FOXK2: variants seen among roughly 807,000 people sequenced by gnomAD.
FOXK2 encodes forkhead box K2, also known as forkhead box protein K2.
In FOXK2, 24 loss-of-function variants were observed where a neutral mutation model predicts 53.3. The observed-to-expected ratio is 0.45, with a 90% confidence interval of 0.33 to 0.63. FOXK2 has a LOEUF of 0.63. Among genes scored for constraint, FOXK2 ranks in the 30% least tolerant of loss-of-function variants. The probability of loss-of-function intolerance (pLI) is 0.03; values close to 1 mark genes in which losing one functional copy is unlikely to be tolerated. For synonymous variants in FOXK2, 505 were observed against 407.1 expected (o/e 1.24, Z -2.89); for missense variants, 952 against 910.5 (o/e 1.05, Z -0.59).
chr17:82,536,320 T>G (rs2044520450), intron 1 of FOXK2, among the ~76,000 whole-genome samples: 1 of 152,238 alleles, frequency 6.6e-6, no homozygotes, highest in South Asian at 2.1e-4. Flanking sequence ...TGTTTCTTTG[T>G]GTGCCTTGTG....
intron 1 of FOXK2, among the ~76,000 whole-genome samples, chr17:82,552,219 C>G (rs1434765567): frequency 6.6e-6 from 1 of 152,218 alleles, no homozygotes; most frequent in Non-Finnish European, 1.5e-5. Context: ...GAAATTACTT[C>G]AGAATTAAAG....
intron 1 of FOXK2, among the ~76,000 whole-genome samples, chr17:82,544,591 TCTCA>T (rs1428624528): frequency 3.3e-5 from 5 of 152,216 alleles, no homozygotes; most frequent in African/African-American, 4.8e-5. Context: ...TCATGAATAT[TCTCA>T]CTAAGTGGGC....
At position 82,587,197 on chromosome 17, in the gene FOXK2, C is replaced by T. The variant is rs532471789; in HGVS notation, c.1711C>T (p.Pro571Ser). ...QQAPLGQHQLPIKTVTQNGTH... is the reference protein window; with the variant it reads ...QQAPLGQHQLSIKTVTQNGTH... ...GGCACCTCTAGGTCAACACCAGCTA[C>T]CAATAAAAACTGTAACACAAAACGG... Residue 571 changes from proline (P) to serine (S), a missense_variant, in exon 8 of 9, where the codon CCA (proline) becomes TCA (serine). By Grantham distance (74) the Pro-to-Ser change is moderately conservative. This residue lies in a region of FOXK2 where 551 missense variants were observed against 385.1 expected (regional missense o/e 1.43). Transcript: ENST00000335255. 12 of 1,613,108 alleles carry T rather than the reference C, an allele frequency of 7.4e-6. No individual in the cohort carries two copies. The African/African-American group carries it at 9.3e-5, about 13-fold the overall frequency.
chr17:82,590,407 C>T (rs990890434), intron 8 of FOXK2, among the ~76,000 whole-genome samples: 1 of 152,160 alleles, frequency 6.6e-6, no homozygotes, highest in Non-Finnish European at 1.5e-5. Flanking sequence ...CTGCCCACCT[C>T]GGCCTCCCAA....
intron 4 of FOXK2, among the ~76,000 whole-genome samples, chr17:82,575,705 C>T (rs1000258218): frequency 3.3e-5 from 5 of 152,166 alleles, no homozygotes; most frequent in Non-Finnish European, 7.3e-5. Context: ...TTGATTGCTA[C>T]AGCCGAGACA....
chr17:82,591,029 C>T (rs746376555), intron 8 of FOXK2, among the ~76,000 whole-genome samples: 18 of 152,194 alleles, frequency 1.2e-4, no homozygotes, highest in Non-Finnish European at 2.4e-4. Context: ...GGGCTCAGGG[C>T]TTGGCCCCTG....
intron 1 of FOXK2, among the ~76,000 whole-genome samples, chr17:82,553,060 G>A (rs930118466): frequency 6.6e-6 from 1 of 151,986 alleles, no homozygotes; most frequent in Non-Finnish European, 1.5e-5. Flanking sequence ...CTCAGCCTCC[G>A]GAGTAGCTGG....
intron 1 of FOXK2, among the ~76,000 whole-genome samples, chr17:82,550,094 G>T (rs1194007721): frequency 6.6e-6 from 1 of 152,172 alleles, no homozygotes; most frequent in Non-Finnish European, 1.5e-5. Context: ...AGCTATTCAG[G>T]AGGCTGAGGC....
At chr17:82,533,875 T>C (rs1434926409) in intron 1 of FOXK2, among the ~76,000 whole-genome samples, 1 of 151,888 alleles carries the variant, frequency 6.6e-6, no homozygotes, top group Middle Eastern at 3.2e-3. Flanking sequence ...GGTGCGCAGC[T>C]GTAATCCCAG....
chr17:82,538,400 A>G (rs2044541409), intron 1 of FOXK2, among the ~76,000 whole-genome samples: 1 of 152,146 alleles, frequency 6.6e-6, no homozygotes. Flanking sequence ...TGGGAAGATC[A>G]CTTGAGCCCG....
In FOXK2 at chr17:82,601,798, A is replaced by T. The variant is rs911262554; in HGVS notation, c.*299A>T. ...GAGGACCAGGCATCGCTGTGTGAGGACGGCACGGCCAGCGCCTGCTGTGAG... is the reference window on the plus strand; with the variant it reads ...GAGGACCAGGCATCGCTGTGTGAGGTCGGCACGGCCAGCGCCTGCTGTGAG... On this transcript the variant is annotated 3_prime_UTR_variant, in exon 9 of 9. Coordinates refer to ENST00000335255, the MANE Select transcript of FOXK2 (RefSeq NM_004514.4). 14 of 294,342 alleles carry T rather than the reference A, an allele frequency of 4.8e-5. No homozygotes were observed. Among genetic ancestry groups the T allele is most frequent in the Non-Finnish European group, 8.4e-5 (13 of 154,654 alleles). 18.2% of individuals were successfully genotyped at this position (294,342 alleles called of 1,614,324 possible).
intron 2 of FOXK2, 67 bp downstream of exon 2, chr17:82,563,615 C>T (rs1025921918): frequency 6.3e-6 from 9 of 1,432,330 alleles, no homozygotes; most frequent in South Asian, 1.3e-5. Context: ...TAACGCCTTT[C>T]TCCTTCCCTG....
intron 1 of FOXK2, among the ~76,000 whole-genome samples, chr17:82,546,464 C>T (rs900858786): frequency 1.3e-5 from 2 of 152,086 alleles, no homozygotes; most frequent in Non-Finnish European, 2.9e-5. Context: ...AAATGTTCAC[C>T]TCTCGGTGCA....
chr17:82,563,561 G>C lies in FOXK2; in HGVS notation c.614+13G>C. 1.9e-6 allele frequency: 3 copies of C among 1,608,090 alleles called. No homozygotes were observed. Among genetic ancestry groups the C allele is most frequent in the Non-Finnish European group, 2.5e-6 (3 of 1,177,058 alleles). On this transcript the variant is annotated intron_variant, in intron 2 of 8. Transcript: ENST00000335255. Reference sequence around the variant, plus strand: ...CGGGAACCATCAGGTGCGGCCATGGGGATGGGGGACTGGAGCATCCTTAGT... The same window carrying C: ...CGGGAACCATCAGGTGCGGCCATGGCGATGGGGGACTGGAGCATCCTTAGT...
In FOXK2 at chr17:82,563,534, C is replaced by T. The variant is rs201972160; in HGVS notation, c.600C>T (p.Pro200=). The T allele has an allele frequency of 1.2e-6, 2 of 1,613,532 alleles. No homozygotes were observed. Among genetic ancestry groups the T allele is most frequent in the South Asian group, 1.1e-5 (1 of 91,014 alleles). The part of the protein sequence containing the change: ...MAHLISPLPS[P]TGTISAANSC... ...ACCTCATCAGCCCTCTGCCCTCCCC[C>T]ACGGGAACCATCAGGTGCGGCCATG... Residue 200 remains proline (P), a synonymous_variant, in exon 2 of 9, where the codon CCC becomes CCT. Coordinates refer to ENST00000335255, the MANE Select transcript of FOXK2 (RefSeq NM_004514.4).
intron 8 of FOXK2, among the ~76,000 whole-genome samples, chr17:82,590,414 C>T (rs2045241519): frequency 6.6e-6 from 1 of 152,154 alleles, no homozygotes; most frequent in South Asian, 2.1e-4. Flanking sequence ...CCTCGGCCTC[C>T]CAACGTGCTG....
intron 1 of FOXK2, among the ~76,000 whole-genome samples, chr17:82,538,215 T>C (rs1285577177): frequency 6.6e-6 from 1 of 151,584 alleles, no homozygotes; most frequent in Admixed American, 6.6e-5. Context: ...TGAGCAAGAC[T>C]CCGTCTGAAA....
chr17:82,528,376 AAGC>A (rs536627123), intron 1 of FOXK2, among the ~76,000 whole-genome samples: 197 of 152,314 alleles, frequency 1.3e-3, no homozygotes, highest in African/African-American at 4.6e-3. Flanking sequence ...CTTTTAGTGA[AAGC>A]AGTTGGCATT....
At chr17:82,596,616 T>C (rs1402118450) in intron 8 of FOXK2, among the ~76,000 whole-genome samples, 4 of 34,204 alleles carry the variant, frequency 1.2e-4, no homozygotes, top group Admixed American at 5.7e-4. Context: ...ACTAAGGAGG[T>C]GTCGCTCCTC....
Sources: gnomAD v4.1 joint callset for allele counts (sites outside exome capture counted in the v4.1 genomes callset) on GRCh38, gnomAD v4.1.1 for gene constraint, gnomAD v4.1.1 regional missense constraint, MANE v1.5 for transcripts, NCBI Gene and HGNC (gene_info 2026-07-23, HGNC 2026-07-21) for gene names.